Variants in CUX2 observed in about 807,000 individuals in gnomAD.
The protein encoded by CUX2 is cut like homeobox 2, also known as homeobox protein cut-like 2.
CUX2 carries 40 observed loss-of-function variants against 144.8 expected under a neutral mutation model. The ratio of observed to expected loss-of-function variants is 0.28; its 90% CI spans 0.21 to 0.36. The LOEUF (loss-of-function observed/expected upper bound fraction) is 0.36, where lower values mean the gene tolerates loss of function less well. CUX2 is among the 10% of genes least tolerant of loss of function. The pLI, the probability that CUX2 is intolerant of heterozygous loss-of-function variation, is 1.00. For synonymous variants in CUX2, 827 were observed against 875.6 expected, an observed-to-expected ratio of 0.94 and a Z score of 0.98; for missense variants, 1,615 against 1,994.0, an observed-to-expected ratio of 0.81 and a Z score of 3.62.
In CUX2 at chr12:111,312,416, C is replaced by G. The variant is rs1886952001; in HGVS notation, c.2002+215C>G. Among the ~76,000 whole-genome samples, 2 of 152,160 alleles carry G rather than the reference C, an allele frequency of 1.3e-5. No homozygotes were observed. The highest frequency in any genetic ancestry group is 2.9e-5 in the Non-Finnish European group (2 of 68,030). On this transcript the variant is annotated intron_variant, in intron 16 of 21. Transcript: ENST00000261726. The surrounding 1 kb of genome is among the most constrained non-coding windows in gnomAD (Gnocchi z 4.3). ...CAGCTCTCAACATAAAATCTCAACC[C>G]TTGGCCAGGCGCAGTGGCTCATGCC...
chr12:111,235,820 G>A (rs570529015), intron 3 of CUX2, among the ~76,000 whole-genome samples: 1 of 152,298 alleles, frequency 6.6e-6, no homozygotes, highest in East Asian at 1.9e-4. Flanking sequence ...GTTGGGAAGT[G>A]GGGATCCAGG....
At position 111,320,325 on chromosome 12, in the gene CUX2, C is replaced by T. The variant is rs1486644382; in HGVS notation, c.2316C>T (p.Ile772=). 1.3e-6 allele frequency: 2 copies of T among 1,598,062 alleles called. No individual in the cohort carries two copies. The highest frequency in any genetic ancestry group is 1.7e-5 in the Admixed American group (1 of 59,942). ...LSPAAFVQSI[I]RKVKSEIGDA... ...CCGCCGCCTTCGTGCAGAGCATCAT[C>T]CGCAAGGTCAAGTCCGAGATCGGCG... is the stretch of plus-strand genomic sequence containing the variant. The change falls in exon 17 of 22, where the codon ATC becomes ATT. Residue 772 remains isoleucine (I), a synonymous_variant. Transcript: ENST00000261726. The surrounding 1 kb of genome is among the most constrained non-coding windows in gnomAD (Gnocchi z 8.1).
At chr12:111,124,594 A>G (rs1874918607) in intron 1 of CUX2, among the ~76,000 whole-genome samples, 1 of 152,138 alleles carries the variant, frequency 6.6e-6, no homozygotes, top group Admixed American at 6.5e-5. Context: ...TTTAGGTTTT[A>G]TGGCTGGTTT....
chr12:111,105,140 G>A (rs1446121168), intron 1 of CUX2, among the ~76,000 whole-genome samples: 1 of 152,158 alleles, frequency 6.6e-6, no homozygotes, highest in Non-Finnish European at 1.5e-5. Flanking sequence ...AGGGCCCTGC[G>A]CTGGGGTGAG....
intron 20 of CUX2, 46 bp from the exon 21 acceptor site, chr12:111,341,734 G>C (rs201387592): frequency 3.5e-5 from 53 of 1,520,378 alleles, no homozygotes; most frequent in Admixed American, 1.9e-4. Flanking sequence ...GGAACTTTTG[G>C]GATGGGGACA....
intron 1 of CUX2, among the ~76,000 whole-genome samples, chr12:111,159,065 C>G (rs1011460843): frequency 1.3e-5 from 2 of 152,190 alleles, no homozygotes; most frequent in African/African-American, 4.8e-5. Context: ...AGCTGGTGTT[C>G]CGATCCCTCA....
At chr12:111,177,138 G>T (rs1878903469) in intron 1 of CUX2, among the ~76,000 whole-genome samples, 1 of 152,034 alleles carries the variant, frequency 6.6e-6, no homozygotes. Context: ...TCTTATCTCT[G>T]TGCCCTCTGG....
chr12:111,343,360 G>A (rs1888657643), intron 21 of CUX2, among the ~76,000 whole-genome samples: 1 of 152,108 alleles, frequency 6.6e-6, no homozygotes, highest in Non-Finnish European at 1.5e-5. Context: ...GGCTGGCTCT[G>A]AGGAGACCCC....
At chr12:111,201,052 TGG>T (rs1880552515) in intron 1 of CUX2, among the ~76,000 whole-genome samples, 1 of 151,898 alleles carries the variant, frequency 6.6e-6, no homozygotes, top group East Asian at 1.9e-4. Flanking sequence ...GTGTAGCCCC[TGG>T]GCTAAAATGG....
chr12:111,185,155 T>C (rs746017343), intron 1 of CUX2, among the ~76,000 whole-genome samples: 3 of 152,224 alleles, frequency 2.0e-5, no homozygotes, highest in Non-Finnish European at 4.4e-5. Context: ...TGCTTGAATA[T>C]AAGTAAAGTA....
intron 1 of CUX2, among the ~76,000 whole-genome samples, chr12:111,134,616 C>CTGTGTGTG (rs1191021541): frequency 1.2e-3 from 178 of 145,212 alleles, no homozygotes; most frequent in African/African-American, 4.3e-3. Flanking sequence ...CTCTCTCTCT[C>CTGTGTGTG]TCTCTGTGTG....
rs1023045387 is a variant in CUX2 at position 111,190,634 on chromosome 12, A to G, written c.64-23566A>G. On this transcript the variant is annotated intron_variant, in intron 1 of 21. Transcript: ENST00000261726. The surrounding 1 kb of genome is among the most constrained non-coding windows in gnomAD (Gnocchi z 4.0). Reference sequence around the variant, plus strand: ...GACGCCTGGCATTTTTAGCTGATCAATAGACCCTTTGTGGCCTAACAGAGA... The same window carrying G: ...GACGCCTGGCATTTTTAGCTGATCAGTAGACCCTTTGTGGCCTAACAGAGA... Among the ~76,000 whole-genome samples, 2 of 152,186 alleles carry G rather than the reference A, an allele frequency of 1.3e-5. No homozygotes were observed. The highest frequency in any genetic ancestry group is 4.8e-5 in the African/African-American group (2 of 41,448).
intron 1 of CUX2, among the ~76,000 whole-genome samples, chr12:111,180,855 AC>A (rs1879121683): frequency 1.3e-5 from 2 of 152,258 alleles, no homozygotes; most frequent in South Asian, 4.2e-4. Context: ...ATGGCCGAGA[AC>A]CCTTTCTGTA....
intron 3 of CUX2, among the ~76,000 whole-genome samples, chr12:111,248,180 C>T (rs1883374301): frequency 6.6e-6 from 1 of 152,226 alleles, no homozygotes; most frequent in African/African-American, 2.4e-5. Flanking sequence ...GGATTATAGG[C>T]GTGAGCCACT....
rs181761667 is a variant in CUX2 at position 111,345,762 on chromosome 12, A to G, written c.3660-1762A>G. Among the ~76,000 whole-genome samples the G allele has an allele frequency of 6.9e-3, 1,048 of 151,854 alleles. 10 individuals are homozygous for G. The highest frequency in any genetic ancestry group is 0.023 in the African/African-American group (966 of 41,372). On this transcript the variant is annotated intron_variant, in intron 21 of 21. Coordinates refer to ENST00000261726, the MANE Select transcript of CUX2 (RefSeq NM_015267.4). ...AAAAAAAAAAAAAAAAGTTTCACGA[A>G]AAAGAAAAAAAAAGGCAGAAAATGC... is the stretch of plus-strand genomic sequence containing the variant.
rs57018141 is a variant in CUX2, at chr12:111,330,686, CATATATATATATATATAT to C, written c.2927-3707_2927-3690del. Among the ~76,000 whole-genome samples the C allele has an allele frequency of 3.7e-3, 220 of 59,274 alleles. 2 individuals carry two copies. The highest frequency in any genetic ancestry group is 6.3e-3 in the Admixed American group (28 of 4,472). The allele number at this position is 59,274 out of a possible 152,430, so 38.9% of individuals were successfully genotyped here. On this transcript the variant is annotated intron_variant, in intron 18 of 21. Coordinates refer to ENST00000261726, the MANE Select transcript of CUX2 (RefSeq NM_015267.4). ...CTATCTCTATTTAAAAATACATATACATATATATATATATATATATATATATATATATATATATATATA... is the reference window on the plus strand; with the variant it reads ...CTATCTCTATTTAAAAATACATATACATATATATATATATATATATATATA...
intron 3 of CUX2, 146 bp downstream of exon 3, chr12:111,218,083 C>T (rs1592850113): frequency 8.1e-6 from 6 of 743,056 alleles, no homozygotes; most frequent in East Asian, 2.6e-5. Flanking sequence ...GTGCCCTTCC[C>T]TCTGGTCTCC....
chr12:111,297,064 G>A (rs1464149438), intron 8 of CUX2, among the ~76,000 whole-genome samples: 1 of 141,960 alleles, frequency 7.0e-6, no homozygotes, highest in African/African-American at 2.7e-5. Flanking sequence ...TTCCAGACAG[G>A]CCTCCTCTCT....
At chr12:111,075,420 G>C (rs931420918) in intron 1 of CUX2, among the ~76,000 whole-genome samples, 3 of 152,120 alleles carry the variant, frequency 2.0e-5, no homozygotes, top group Non-Finnish European at 4.4e-5. Flanking sequence ...CAGGGAGTTG[G>C]CCTCTCTCTG....
Sources: gnomAD v4.1 joint callset for allele counts (sites outside exome capture counted in the v4.1 genomes callset) on GRCh38, gnomAD v4.1.1 for gene constraint, Gnocchi (gnomAD v3.1) non-coding constraint, MANE v1.5 for transcripts, NCBI Gene and HGNC (gene_info 2026-07-23, HGNC 2026-07-21) for gene names.